CSMD3: variants seen among roughly 807,000 people sequenced by gnomAD.
The protein encoded by CSMD3 is CUB and Sushi multiple domains 3, also known as CUB and sushi domain-containing protein 3.
In CSMD3, 177 loss-of-function variants were observed where a neutral mutation model predicts 435.2. The ratio of observed to expected loss-of-function variants is 0.41; its 90% confidence interval spans 0.36 to 0.46. CSMD3 has a LOEUF of 0.46. Among genes scored for constraint, CSMD3 ranks in the 20% least tolerant of loss-of-function variants. The probability of loss-of-function intolerance (pLI) is 0.34; values close to 1 mark genes in which losing one functional copy is unlikely to be tolerated. For synonymous variants in CSMD3, 1,656 were observed against 1,520.5 expected, an observed-to-expected ratio of 1.09 and a Z score of -2.07; for missense variants, 4,265 against 4,504.6, an observed-to-expected ratio of 0.95 and a Z score of 1.52.
intron 6 of CSMD3, among the ~76,000 whole-genome samples, chr8:112,980,138 T>C (rs1393360212): frequency 6.6e-6 from 1 of 150,610 alleles, no homozygotes; most frequent in Non-Finnish European, 1.5e-5. Flanking sequence ...TAATACCTCA[T>C]GATAGAATTT....
intron 7 of CSMD3, among the ~76,000 whole-genome samples, chr8:112,963,935 T>A (rs527583360): frequency 1.3e-5 from 2 of 152,078 alleles, no homozygotes; most frequent in Non-Finnish European, 2.9e-5. Context: ...CTAATTTTTT[T>A]AAATAAATTT....
rs1456383212 is a variant in CSMD3, at chr8:112,556,807, G to C, written c.4190C>G (p.Thr1397Arg). ...ATAGTCCCATGCCCTTCTCTCCCCT[G>C]TCATGCACTTGAGAAGGCTACTTCC... Reference protein sequence around the residue: ...LHGSSLLKCMTGERRAWDYPL... With the variant: ...LHGSSLLKCMRGERRAWDYPL... Residue 1397 changes from threonine to arginine, a missense_variant, in exon 25 of 71, where the codon ACA becomes AGA. Thr to Arg is a moderately conservative substitution (Grantham distance 71). Coordinates refer to ENST00000297405, the MANE Select transcript of CSMD3 (RefSeq NM_198123.2). 6.2e-7 allele frequency: 1 copy of C among 1,612,352 alleles called. No individual in the cohort carries two copies. The highest frequency in any genetic ancestry group is 8.5e-7 in the Non-Finnish European group (1 of 1,178,994).
At chr8:112,246,988 T>C in intron 64 of CSMD3, 32 bp downstream of exon 64, 1 of 1,428,550 alleles carries the variant, frequency 7.0e-7, no homozygotes, top group East Asian at 2.3e-5. Flanking sequence ...TTCTTACCCA[T>C]GATAGCATTA....
chr8:113,044,270 T>C lies in CSMD3; in HGVS notation c.918-25091A>G, dbSNP rs560052028. 9.4e-5 allele frequency among the ~76,000 whole-genome samples: 12 copies of C among 127,374 alleles called. 1 individual carries two copies. Among genetic ancestry groups the C allele is most frequent in the South Asian group, 7.0e-4 (3 of 4,292 alleles). The allele number at this position is 127,374 out of a possible 152,430, so 83.6% of individuals were successfully genotyped here. On this transcript the variant is annotated intron_variant, in intron 5 of 70. Transcript: ENST00000297405. ...CCTATTAAGAGTAAGAAATATGAAA[T>C]AGCAAATTTTGTTTTCCTTCACTTT...
intron 13 of CSMD3, among the ~76,000 whole-genome samples, chr8:112,747,598 T>C (rs1010222261): frequency 2.6e-5 from 4 of 152,124 alleles, no homozygotes; most frequent in African/African-American, 4.8e-5. Flanking sequence ...TTCACAAATA[T>C]TTTCTGTAAA....
intron 3 of CSMD3, among the ~76,000 whole-genome samples, chr8:113,222,422 A>G (rs987002625): frequency 6.6e-6 from 1 of 151,002 alleles, no homozygotes; most frequent in African/African-American, 2.4e-5. Context: ...ATAATCATGA[A>G]ATATAATGAA....
At chr8:113,278,961 C>A (rs1311399499) in intron 2 of CSMD3, among the ~76,000 whole-genome samples, 1 of 151,476 alleles carries the variant, frequency 6.6e-6, no homozygotes, top group Non-Finnish European at 1.5e-5. Context: ...CAGGAATGGA[C>A]AACTGATATA....
intron 36 of CSMD3, among the ~76,000 whole-genome samples, chr8:112,389,535 T>C (rs1363417519): frequency 1.3e-5 from 2 of 152,230 alleles, no homozygotes; most frequent in Non-Finnish European, 2.9e-5. Context: ...CTTTTTGTTT[T>C]GTCATTGGTT....
chr8:112,802,296 T>C (rs1243919672), intron 12 of CSMD3, among the ~76,000 whole-genome samples: 1 of 151,982 alleles, frequency 6.6e-6, no homozygotes, highest in Non-Finnish European at 1.5e-5. Context: ...AATTTCTCTC[T>C]TGGTGGCCTT....
intron 6 of CSMD3, among the ~76,000 whole-genome samples, chr8:112,999,612 A>G (rs922010910): frequency 1.3e-5 from 2 of 151,664 alleles, no homozygotes; most frequent in Non-Finnish European, 2.9e-5. Flanking sequence ...ATATAATATG[A>G]CAGGCCAAGA....
At chr8:113,070,648 G>A (rs2089070019) in intron 5 of CSMD3, among the ~76,000 whole-genome samples, 1 of 151,896 alleles carries the variant, frequency 6.6e-6, no homozygotes, top group African/African-American at 2.4e-5. Flanking sequence ...ATTCTACCCT[G>A]TACTTCTATG....
chr8:112,518,072 C>G (rs1453481668), intron 27 of CSMD3, among the ~76,000 whole-genome samples: 6 of 152,094 alleles, frequency 3.9e-5, no homozygotes, highest in African/African-American at 1.4e-4. Context: ...TGGAATATTA[C>G]TCAGTAATAA....
chr8:112,228,925 C>T (rs767649216), intron 69 of CSMD3, 34 bp from the exon 70 acceptor site: 1 of 1,118,112 alleles, frequency 8.9e-7, no homozygotes, highest in South Asian at 1.3e-5. Context: ...AAATACACAA[C>T]TCTTTTATCA....
At chr8:113,376,733 T>G in intron 1 of CSMD3, 2 of 1,613,888 alleles carry the variant, frequency 1.2e-6, no homozygotes, top group Non-Finnish European at 1.7e-6. Flanking sequence ...AGCCAGGATA[T>G]CTACCTGAGG....
intron 10 of CSMD3, among the ~76,000 whole-genome samples, chr8:112,861,670 A>G (rs1564034205): frequency 6.6e-6 from 1 of 151,978 alleles, no homozygotes; most frequent in Non-Finnish European, 1.5e-5. Context: ...CATTATTTGA[A>G]CAGCACATTT....
intron 4 of CSMD3, 133 bp downstream of exon 4, chr8:113,173,589 T>C: frequency 1.3e-6 from 1 of 754,438 alleles, no homozygotes; most frequent in Admixed American, 2.0e-5. Flanking sequence ...CCCAAAGTGC[T>C]GGGATTACAG....
intron 9 of CSMD3, among the ~76,000 whole-genome samples, chr8:112,933,015 C>CAAAAATAAG (rs1319663706): frequency 2.0e-5 from 3 of 151,850 alleles, no homozygotes; most frequent in Non-Finnish European, 4.4e-5. Context: ...AAAACAAAAA[C>CAAAAATAAG]AAAAATAAGA....
chr8:112,499,592 G>A (rs1821731057), intron 30 of CSMD3, among the ~76,000 whole-genome samples: 1 of 151,954 alleles, frequency 6.6e-6, no homozygotes, highest in Non-Finnish European at 1.5e-5. Flanking sequence ...ATACATATCT[G>A]ATCATGCAAG....
intron 3 of CSMD3, among the ~76,000 whole-genome samples, chr8:113,219,726 T>A (rs1203895223): frequency 6.6e-6 from 1 of 151,482 alleles, no homozygotes; most frequent in African/African-American, 2.4e-5. Flanking sequence ...AATTCCTCTA[T>A]ACTGGGTATA....
Sources: gnomAD v4.1 joint callset for allele counts (sites outside exome capture counted in the v4.1 genomes callset) on GRCh38, gnomAD v4.1.1 for gene constraint, MANE v1.5 for transcripts, NCBI Gene and HGNC (gene_info 2026-07-23, HGNC 2026-07-21) for gene names.